Variants in CERK observed in about 807,000 individuals in gnomAD.
CERK encodes acylsphingosine kinase.
Under a neutral mutation model 63.4 loss-of-function variants are expected in CERK, and 39 were observed. The ratio of observed to expected loss-of-function variants is 0.61; its 90% CI spans 0.48 to 0.80. The LOEUF is 0.80. Ranked by LOEUF, CERK falls within the 30% of genes least tolerant of loss-of-function variation. The pLI, the probability that CERK is intolerant of heterozygous loss-of-function variation, is 0.00. For synonymous variants in CERK, 302 were observed against 280.0 expected, an observed-to-expected ratio of 1.08 and a Z score of -0.78; for missense variants, 670 against 714.1, an observed-to-expected ratio of 0.94 and a Z score of 0.70.
At chr22:46,734,634 A>C (rs1026610449) in intron 1 of CERK, among the ~76,000 whole-genome samples, 3 of 152,350 alleles carry the variant, frequency 2.0e-5, no homozygotes, top group Admixed American at 6.5e-5. Flanking sequence ...TCTGAGTTTT[A>C]TTGCATGCAA....
chr22:46,717,712 T>A (rs1355285074), intron 3 of CERK, among the ~76,000 whole-genome samples: 1 of 152,206 alleles, frequency 6.6e-6, no homozygotes, highest in South Asian at 2.1e-4. Flanking sequence ...AATATTCTGC[T>A]CCTTTATCTG....
Position 46,701,624 on chromosome 22 carries a change from G to A in CERK, c.790+12C>T. On this transcript the variant is annotated intron_variant, in intron 7 of 12. Transcript: ENST00000216264. ...GGCTGCCACCGTGCGCATGCGCAGA[G>A]GAGGGGCTCACCAACAACGATATGC... The A allele has an allele frequency of 1.3e-6, 2 of 1,553,246 alleles. No homozygotes were observed. The highest frequency in any genetic ancestry group is 1.7e-6 in the Non-Finnish European group (2 of 1,148,490).
chr22:46,691,674 A>G lies in CERK; in HGVS notation c.1230T>C (p.Ala410=), dbSNP rs1361331971. ...CAGAAGACCCGTCTCCCAAGTGGGC[A>G]GCCGGGGAGAGGCCCCTGGGGCTCC... The part of the protein sequence containing the change: ...CRRSPRGLSP[A]AHLGDGSSDL... Residue 410 remains alanine (A), a synonymous_variant, in exon 11 of 13, where the codon GCT becomes GCC. Transcript: ENST00000216264. 3.7e-6 allele frequency: 6 copies of G among 1,613,898 alleles called. No individual in the cohort carries two copies. In the Admixed American group the frequency reaches 1.0e-4, roughly 27 times the overall value.
chr22:46,737,387 G>A (rs909021152), intron 1 of CERK, among the ~76,000 whole-genome samples: 1 of 152,008 alleles, frequency 6.6e-6, no homozygotes, highest in African/African-American at 2.4e-5. Flanking sequence ...TGGGCTATGC[G>A]TCCTCCATGT....
chr22:46,728,578 T>C (rs1450347838), intron 1 of CERK, among the ~76,000 whole-genome samples: 1 of 152,162 alleles, frequency 6.6e-6, no homozygotes, highest in Non-Finnish European at 1.5e-5. Context: ...CACGCTGGCC[T>C]AAATGGAAAG....
chr22:46,692,426 TAAAA>T (rs553286743), intron 10 of CERK, among the ~76,000 whole-genome samples: 18,839 of 92,770 alleles, frequency 0.2, 1,805 homozygotes, highest in East Asian at 0.35. Flanking sequence ...AACTCTGTCT[TAAAA>T]AAAAAAAAAA....
intron 1 of CERK, among the ~76,000 whole-genome samples, chr22:46,736,656 A>G (rs1270931135): frequency 6.6e-6 from 1 of 152,200 alleles, no homozygotes; most frequent in Non-Finnish European, 1.5e-5. Flanking sequence ...CAAAGGGGAC[A>G]TGAGAAATAC....
chr22:46,713,194 C>T (rs148061959), intron 3 of CERK, among the ~76,000 whole-genome samples: 262 of 152,142 alleles, frequency 1.7e-3, no homozygotes, highest in African/African-American at 5.8e-3. Flanking sequence ...AAACTGAAAA[C>T]CTAAGTCCAT....
chr22:46,696,145 C>T (rs2082755107), intron 8 of CERK, among the ~76,000 whole-genome samples: 1 of 152,214 alleles, frequency 6.6e-6, no homozygotes, highest in Admixed American at 6.5e-5. Flanking sequence ...CAAGTGTGCA[C>T]CGCCCAGGGG....
Position 46,738,200 on chromosome 22 carries a change from C to T in CERK, c.-52G>A. 5 of 1,080,650 alleles carry T rather than the reference C, an allele frequency of 4.6e-6. No individual in the cohort carries two copies. Among genetic ancestry groups the T allele is most frequent in the Non-Finnish European group, 5.6e-6 (5 of 892,888 alleles). The allele number at this position is 1,080,650 out of a possible 1,614,324, so 66.9% of individuals were successfully genotyped here. Reference sequence around the variant, plus strand: ...CTGGGGGCGCGCGGACGCCGAGGGGCGCCGGACCGTTAGCGGCCCCTGCAG... The same window carrying T: ...CTGGGGGCGCGCGGACGCCGAGGGGTGCCGGACCGTTAGCGGCCCCTGCAG... On this transcript the variant is annotated 5_prime_UTR_variant, in exon 1 of 13. Coordinates refer to ENST00000216264, the MANE Select transcript of CERK (RefSeq NM_022766.6).
rs34110809 is a variant in CERK at position 46,690,006 on chromosome 22, A to T, written c.1527T>A (p.Pro509=). The change falls in exon 12 of 13, where the codon CCT becomes CCA. Residue 509 remains proline (P), a synonymous_variant. Coordinates refer to ENST00000216264, the MANE Select transcript of CERK (RefSeq NM_022766.6). The part of the protein sequence containing the change: ...WNCDGEVLHS[P]AIEVRVHCQL... ...CCTGCACGCACCTGACCTCGATGGC[A>T]GGGCTGTGCAGGACCTCCCCGTCGC... 3,995 of 1,607,210 alleles carry T rather than the reference A, an allele frequency of 2.5e-3. 84 individuals carry two copies. In the African/African-American group the frequency reaches 0.045, roughly 18 times the overall value.
rs558144489 is a variant in CERK at position 46,722,791 on chromosome 22, G to A, written c.143-1776C>T. On this transcript the variant is annotated intron_variant, in intron 1 of 12. Coordinates refer to ENST00000216264, the MANE Select transcript of CERK (RefSeq NM_022766.6). ...CCAGGCTGCAGGCCGTGCCGTGCCA[G>A]GGGTGCCAGCACAAGACCAGGCAGT... is the stretch of plus-strand genomic sequence containing the variant. Among the ~76,000 whole-genome samples, 8 of 152,238 alleles carry A rather than the reference G, an allele frequency of 5.3e-5. No homozygotes were observed. In the South Asian group the frequency reaches 1.3e-3, roughly 24 times the overall value.
intron 12 of CERK, among the ~76,000 whole-genome samples, 185 bp from the exon 13 acceptor site, chr22:46,687,391 C>T (rs1249050142): frequency 1.3e-5 from 2 of 152,158 alleles, no homozygotes; most frequent in African/African-American, 2.4e-5. Flanking sequence ...CAGACGTCAC[C>T]GTGGGCTGTA....
Position 46,712,297 on chromosome 22 carries a change from T to C in CERK, c.380-4A>G, listed in dbSNP as rs2082845272. On this transcript the variant is annotated splice_region_variant and splice_polypyrimidine_tract_variant and intron_variant, in intron 3 of 12. Coordinates refer to ENST00000216264, the MANE Select transcript of CERK (RefSeq NM_022766.6). ...AGTAAATGCTTTGGTCTGGACGCTG[T>C]AAGACAACAACATGTAAATAACAAC... 6.2e-7 allele frequency: 1 copy of C among 1,612,880 alleles called. No individual in the cohort carries two copies. Among genetic ancestry groups the C allele is most frequent in the African/African-American group, 1.3e-5 (1 of 74,876 alleles).
intron 1 of CERK, among the ~76,000 whole-genome samples, chr22:46,729,480 A>T (rs1429150611): frequency 6.6e-6 from 1 of 152,052 alleles, no homozygotes; most frequent in East Asian, 1.9e-4. Context: ...ACAATCATGG[A>T]ACACCGTAAC....
rs755329948 is a variant in CERK, at chr22:46,687,152, C to T, written c.1596G>A (p.Lys532=). The T allele has an allele frequency of 5.6e-6, 9 of 1,614,176 alleles. No homozygotes were observed. Among genetic ancestry groups the T allele is most frequent in the Non-Finnish European group, 8.5e-7 (1 of 1,180,022 alleles). The part of the protein sequence containing the change: ...LFARGIEENP[K]PDSHS ...CGGCTTCTCAGCTGTGTGAGTCTGG[C>T]TTCGGATTCTCTTCAATTCCTCGTG... Residue 532 remains lysine, a synonymous_variant, in exon 13 of 13, where the codon AAG becomes AAA. Transcript: ENST00000216264.
rs114479927 is a variant in CERK at position 46,702,985 on chromosome 22, C to T, written c.716-1275G>A. On this transcript the variant is annotated intron_variant, in intron 6 of 12. Coordinates refer to ENST00000216264, the MANE Select transcript of CERK (RefSeq NM_022766.6). ...GACCAACCACATGCTCCCGTTCACG[C>T]GAGAAGGACGGGGCTCCAGGGGGGT... 7.9e-3 allele frequency among the ~76,000 whole-genome samples: 1,200 copies of T among 152,236 alleles called. 17 individuals are homozygous for T. Among genetic ancestry groups the T allele is most frequent in the African/African-American group, 0.026 (1,091 of 41,534 alleles).
In CERK at chr22:46,714,945, C is replaced by A. The variant is rs1178740639; in HGVS notation, c.380-2652G>T. Among the ~76,000 whole-genome samples, 1 of 151,230 alleles carries A rather than the reference C, an allele frequency of 6.6e-6. No individual in the cohort carries two copies. The highest frequency in any genetic ancestry group is 1.5e-5 in the Non-Finnish European group (1 of 67,930). On this transcript the variant is annotated intron_variant, in intron 3 of 12. Transcript: ENST00000216264. The surrounding 1 kb of genome is among the most constrained non-coding windows in gnomAD (Gnocchi z 4.4). Reference sequence around the variant, plus strand: ...CAAGAGAGGTTTGTTTACTCCAGGACTGCAACAATGAGAAATTAATGTAAC... The same window carrying A: ...CAAGAGAGGTTTGTTTACTCCAGGAATGCAACAATGAGAAATTAATGTAAC...
At chr22:46,689,925 C>G in intron 12 of CERK, 67 bp downstream of exon 12, 1 of 1,260,348 alleles carries the variant, frequency 7.9e-7, no homozygotes. Flanking sequence ...CTGGGTGGGG[C>G]AGCTTGTGAC....
Sources: gnomAD v4.1 joint callset for allele counts (sites outside exome capture counted in the v4.1 genomes callset) on GRCh38, gnomAD v4.1.1 for gene constraint, Gnocchi (gnomAD v3.1) non-coding constraint, MANE v1.5 for transcripts, NCBI Gene and HGNC (gene_info 2026-07-23, HGNC 2026-07-21) for gene names.